The following CNBD1 variants were observed in gnomAD, a reference collection of about 807,000 sequenced individuals.
CNBD1 encodes the protein cyclic nucleotide-binding domain-containing protein 1.
CNBD1 carries 71 observed loss-of-function variants against 54.4 expected under a neutral mutation model. The observed-to-expected ratio is 1.30, with a 90% CI of 1.08 to 1.59. CNBD1 has a LOEUF of 1.59. Ranked by LOEUF, CNBD1 falls within the 40% of genes most tolerant of loss-of-function variation. CNBD1 has a pLI of 0.00. For synonymous variants in CNBD1, 182 were observed against 170.7 expected (o/e 1.07, Z -0.51); for missense variants, 659 against 518.0 (o/e 1.27, Z -2.64).
chr8:87,350,778 A>T (rs13249438), intron 8 of CNBD1, among the ~76,000 whole-genome samples: 2 of 151,774 alleles, frequency 1.3e-5, no homozygotes, highest in Non-Finnish European at 2.9e-5. Flanking sequence ...TTCAGATTTC[A>T]TAACGTAGAA....
intron 6 of CNBD1, among the ~76,000 whole-genome samples, chr8:87,257,221 T>G (rs1027792212): frequency 6.6e-6 from 1 of 151,546 alleles, no homozygotes; most frequent in Non-Finnish European, 1.5e-5. Flanking sequence ...ATAAAAAAAA[T>G]TAGCCAGTGT....
intron 4 of CNBD1, among the ~76,000 whole-genome samples, chr8:87,141,852 G>T (rs1402612999): frequency 6.6e-6 from 1 of 152,008 alleles, no homozygotes; most frequent in Non-Finnish European, 1.5e-5. Flanking sequence ...AAATTTTATA[G>T]CACTCAGGGC....
At position 87,371,214 on chromosome 8, in the gene CNBD1, C is replaced by G. The variant is rs1810784624; in HGVS notation, c.1304-11406C>G. ...TAGGATTGACTGGGCAATGGGGGCTCTTTTTTGGTTCCATATGAACTTTAA... is the reference window on the plus strand; with the variant it reads ...TAGGATTGACTGGGCAATGGGGGCTGTTTTTTGGTTCCATATGAACTTTAA... On this transcript the variant is annotated intron_variant, in intron 10 of 10. Coordinates refer to ENST00000518476, the MANE Select transcript of CNBD1 (RefSeq NM_173538.3). Among the ~76,000 whole-genome samples, 9 of 151,970 alleles carry G rather than the reference C, an allele frequency of 5.9e-5. No homozygotes were observed. The South Asian group carries it at 1.9e-3, about 32-fold the overall frequency.
chr8:87,029,604 C>A (rs539874871), intron 4 of CNBD1, among the ~76,000 whole-genome samples: 1 of 151,938 alleles, frequency 6.6e-6, no homozygotes, highest in East Asian at 1.9e-4. Context: ...TCTGGTAATG[C>A]CAGAAACCAA....
chr8:87,040,289 G>T (rs1191506300), intron 4 of CNBD1, among the ~76,000 whole-genome samples: 2 of 152,212 alleles, frequency 1.3e-5, no homozygotes, highest in Admixed American at 6.5e-5. Flanking sequence ...ACAGCTTGGA[G>T]ATTAAAAGCA....
intron 2 of CNBD1, among the ~76,000 whole-genome samples, chr8:87,400,517 T>C (rs1178336348): frequency 6.6e-6 from 1 of 151,966 alleles, no homozygotes; most frequent in East Asian, 1.9e-4. Context: ...AGTGTGTTGA[T>C]CAATTCTAAT....
Position 87,275,950 on chromosome 8 carries a change from G to T in CNBD1, c.772-8728G>T, listed in dbSNP as rs538673852. On this transcript the variant is annotated intron_variant, in intron 6 of 10. Transcript: ENST00000518476. ...AATAACAGACAGAGAGCCAAATCAT[G>T]AGTGAACTCCCATTCACAATTGCTT... Among the ~76,000 whole-genome samples the T allele has an allele frequency of 2.6e-5, 4 of 152,058 alleles. No individual in the cohort carries two copies. The South Asian group carries it at 6.2e-4, about 24-fold the overall frequency.
At chr8:87,380,714 T>C (rs541976571) in intron 10 of CNBD1, among the ~76,000 whole-genome samples, 1 of 152,128 alleles carries the variant, frequency 6.6e-6, no homozygotes, top group Non-Finnish European at 1.5e-5. Flanking sequence ...TAGTTTTCAG[T>C]AAACAAGTCT....
chr8:87,261,529 CA>C (rs34576530), intron 6 of CNBD1, among the ~76,000 whole-genome samples: 32,886 of 120,152 alleles, frequency 0.27, 3,429 homozygotes, highest in South Asian at 0.32. Flanking sequence ...TATTTATAGA[CA>C]AAAAAAAAAA....
At chr8:87,410,398 A>T (rs1333822160) in intron 2 of CNBD1, among the ~76,000 whole-genome samples, 1 of 152,190 alleles carries the variant, frequency 6.6e-6, no homozygotes, top group Non-Finnish European at 1.5e-5. Context: ...TCTGGATGCC[A>T]TTAAGAATGT....
chr8:87,085,676 T>A (rs915182372), intron 4 of CNBD1, among the ~76,000 whole-genome samples: 2 of 152,130 alleles, frequency 1.3e-5, no homozygotes, highest in Non-Finnish European at 2.9e-5. Flanking sequence ...CCCCTGTGAG[T>A]CTGTGCCTGT....
chr8:87,288,867 A>G (rs980170903), intron 8 of CNBD1, among the ~76,000 whole-genome samples: 5 of 152,140 alleles, frequency 3.3e-5, no homozygotes, highest in African/African-American at 7.2e-5. Flanking sequence ...ATTTCATCTG[A>G]TAATCATCAA....
chr8:87,006,407 A>G (rs1045003106), intron 4 of CNBD1, among the ~76,000 whole-genome samples: 17 of 152,182 alleles, frequency 1.1e-4, no homozygotes, highest in Admixed American at 3.9e-4. Context: ...GCATTACTAT[A>G]AAGAAGTACC....
chr8:87,293,801 G>T (rs1808827175), intron 8 of CNBD1, among the ~76,000 whole-genome samples: 1 of 152,088 alleles, frequency 6.6e-6, no homozygotes, highest in Non-Finnish European at 1.5e-5. Flanking sequence ...GGATTTTTTG[G>T]ATATGGTTTA....
At chr8:87,395,985 C>A (rs1811403097) in intron 2 of CNBD1, among the ~76,000 whole-genome samples, 1 of 151,912 alleles carries the variant, frequency 6.6e-6, no homozygotes, top group African/African-American at 2.4e-5. Flanking sequence ...TTGTAAGTTT[C>A]CTGAGGCCTC....
At chr8:86,940,074 G>A (rs1176783662) in intron 4 of CNBD1, among the ~76,000 whole-genome samples, 1 of 150,550 alleles carries the variant, frequency 6.6e-6, no homozygotes, top group Non-Finnish European at 1.5e-5. Context: ...TTATCGGAAG[G>A]CTCTTCACAA....
intron 4 of CNBD1, among the ~76,000 whole-genome samples, chr8:87,006,453 T>C (rs1052684859): frequency 3.9e-5 from 6 of 152,176 alleles, no homozygotes; most frequent in African/African-American, 7.2e-5. Flanking sequence ...AGAGGTTTAA[T>C]TGGCTTATAG....
intron 4 of CNBD1, among the ~76,000 whole-genome samples, chr8:87,116,502 C>T (rs1006654687): frequency 5.3e-5 from 8 of 152,200 alleles, no homozygotes; most frequent in Admixed American, 3.9e-4. Flanking sequence ...GCATAAGCCA[C>T]TGCACCTGGT....
chr8:86,938,751 C>T (rs1161440744), intron 3 of CNBD1, among the ~76,000 whole-genome samples: 1 of 152,148 alleles, frequency 6.6e-6, no homozygotes, highest in Non-Finnish European at 1.5e-5. Context: ...GGTGGGGACA[C>T]AGCCAAACCA....
Sources: allele counts gnomAD v4.1 joint callset (sites outside exome capture counted in the v4.1 genomes callset), GRCh38; gene constraint gnomAD v4.1.1; transcripts MANE v1.5; gene names NCBI Gene and HGNC (gene_info 2026-07-23, HGNC 2026-07-21).